Variants in RAB33A observed in about 807,000 individuals in gnomAD.
The protein encoded by RAB33A is RAB33A, member RAS oncogene family, also known as ras-related protein Rab-33A.
A neutral mutation model predicts 12.0 loss-of-function variants in RAB33A; 6 were observed. The ratio of observed to expected loss-of-function variants is 0.50; its 90% CI spans 0.27 to 0.99. The LOEUF (loss-of-function observed/expected upper bound fraction) is 0.99, where lower values mean the gene tolerates loss of function less well. Among genes scored for constraint, RAB33A ranks in the 50% least tolerant of loss-of-function variants. The probability of loss-of-function intolerance (pLI) is 0.11; values close to 1 mark genes in which losing one functional copy is unlikely to be tolerated. For synonymous variants in RAB33A, 70 were observed against 82.4 expected, an observed-to-expected ratio of 0.85 and a Z score of 0.81; for missense variants, 109 against 192.0, an observed-to-expected ratio of 0.57 and a Z score of 2.55.
At chrX:130,131,880 T>A in the RAB33A span, 2 of 1,147,476 alleles carry the variant, frequency 1.7e-6, no homozygotes, top group Non-Finnish European at 2.4e-6. Context: ...ACACTGCATT[T>A]TTTTTTTTTT....
chrX:130,129,621 T>C, the RAB33A span: 1 of 1,208,627 alleles, frequency 8.3e-7, no homozygotes, highest in Non-Finnish European at 1.1e-6. Flanking sequence ...CTCACCGTCC[T>C]TAATGATCTG....
the RAB33A span, among the ~76,000 whole-genome samples, chrX:130,121,452 C>T: frequency 1.8e-5 from 2 of 110,056 alleles, no homozygotes; most frequent in African/African-American, 6.6e-5. Context: ...GGTTTCACCA[C>T]GTTGGCCAGG....
the RAB33A span, among the ~76,000 whole-genome samples, chrX:130,150,878 G>C: frequency 3.0e-5 from 3 of 98,683 alleles, no homozygotes; most frequent in Admixed American, 3.4e-4. Context: ...GGGAGGTTGA[G>C]GCATGGGAAT....
At chrX:130,177,755 C>T (rs1050589860) in intron 1 of RAB33A, among the ~76,000 whole-genome samples, 23 of 86,082 alleles carry the variant, frequency 2.7e-4, no homozygotes, top group Non-Finnish European at 2.7e-4. Context: ...CATGTACTAA[C>T]ATGACTTGGG....
chrX:130,131,812 A>G, the RAB33A span: 1 of 1,210,577 alleles, frequency 8.3e-7, no homozygotes, highest in Admixed American at 2.2e-5. Context: ...AAGAAGAGAG[A>G]AGAGGGTGTT....
the RAB33A span, among the ~76,000 whole-genome samples, chrX:130,161,408 G>A: frequency 1.4e-4 from 15 of 105,908 alleles, no homozygotes; most frequent in Admixed American, 5.1e-4. Context: ...CTACTCGGGA[G>A]GCTGAGGCAG....
chrX:130,128,966 C>A, the RAB33A span, among the ~76,000 whole-genome samples: 1 of 112,506 alleles, frequency 8.9e-6, no homozygotes, highest in East Asian at 2.8e-4. Flanking sequence ...CTATGAAGCA[C>A]TTACTATGAA....
At chrX:130,121,606 C>T in the RAB33A span, among the ~76,000 whole-genome samples, 1 of 112,586 alleles carries the variant, frequency 8.9e-6, no homozygotes, top group East Asian at 2.8e-4. Context: ...GGGAAGGATT[C>T]GGTGGGGCAG....
At chrX:130,165,462 G>T in the RAB33A span, 6 of 768,616 alleles carry the variant, frequency 7.8e-6, no homozygotes, top group Non-Finnish European at 1.2e-5. Context: ...AGTTTCTCGC[G>T]GGGACGCGGG....
At chrX:130,111,009 TG>T in the RAB33A span, among the ~76,000 whole-genome samples, 7 of 4,464 alleles carry the variant, frequency 1.6e-3, no homozygotes, top group Non-Finnish European at 2.7e-3. Context: ...GCGGGCGGGG[TG>T]GGGGAGGGAA....
chrX:130,163,682 T>G, the RAB33A span, among the ~76,000 whole-genome samples: 25 of 112,357 alleles, frequency 2.2e-4, no homozygotes, highest in Admixed American at 2.4e-3. Context: ...CATTTGAGTC[T>G]GTATTTTTCA....
chrX:130,154,852 A>G, the RAB33A span, among the ~76,000 whole-genome samples: 3 of 112,713 alleles, frequency 2.7e-5, no homozygotes, highest in African/African-American at 6.4e-5. Flanking sequence ...GCAGCACTAA[A>G]GCACAATATA....
the RAB33A span, among the ~76,000 whole-genome samples, chrX:130,114,236 G>A: frequency 8.9e-6 from 1 of 112,154 alleles, no homozygotes; most frequent in African/African-American, 3.2e-5. Flanking sequence ...GCGCCCTGCA[G>A]CCCACGGCTT....
the RAB33A span, chrX:130,165,759 C>T: frequency 4.6e-6 from 3 of 658,543 alleles, no homozygotes; most frequent in Non-Finnish European, 7.3e-6. Context: ...TCTCTTCACA[C>T]GCACATTACG....
the RAB33A span, among the ~76,000 whole-genome samples, chrX:130,146,451 A>ATATGTG: frequency 1.1e-5 from 1 of 89,435 alleles, no homozygotes; most frequent in African/African-American, 4.2e-5. Context: ...CTCTCAAAAT[A>ATATGTG]TGTGTGTGTG....
chrX:130,149,687 C>G, the RAB33A span: 4 of 548,741 alleles, frequency 7.3e-6, no homozygotes, highest in African/African-American at 2.3e-5. Context: ...TCCTCTATGT[C>G]AAAACCACTA....
chrX:130,115,472 G>T, the RAB33A span, among the ~76,000 whole-genome samples: 1 of 111,369 alleles, frequency 9.0e-6, no homozygotes, highest in Non-Finnish European at 1.9e-5. Flanking sequence ...AATTAGCTGG[G>T]CGTGGTGGTG....
chrX:130,155,917 TC>T, the RAB33A span, among the ~76,000 whole-genome samples: 1 of 112,465 alleles, frequency 8.9e-6, no homozygotes, highest in Admixed American at 9.5e-5. Context: ...ATTTCTCACC[TC>T]AAACAAACTC....
At chrX:130,183,083 T>A (rs1305500129) in intron 1 of RAB33A, among the ~76,000 whole-genome samples, 1 of 106,860 alleles carries the variant, frequency 9.4e-6, no homozygotes, top group African/African-American at 3.4e-5. Flanking sequence ...TTTTTTTGTA[T>A]TTCTAGTAGA....
Sources: allele counts gnomAD v4.1 joint callset (sites outside exome capture counted in the v4.1 genomes callset), GRCh38; gene constraint gnomAD v4.1.1; transcripts MANE v1.5; gene names NCBI Gene and HGNC (gene_info 2026-07-23, HGNC 2026-07-21).